PLEKHN1: variants seen among roughly 807,000 people sequenced by gnomAD.
The protein encoded by PLEKHN1 is pleckstrin homology domain-containing family N member 1.
PLEKHN1 carries 68 observed loss-of-function variants against 72.8 expected under a neutral mutation model. That is an observed-to-expected ratio of 0.93 (90% confidence interval 0.77 to 1.14). The LOEUF (loss-of-function observed/expected upper bound fraction) is 1.14. Ranked by LOEUF, PLEKHN1 falls within the 50% of genes most tolerant of loss-of-function variation. The pLI is 0.00. For missense variants in PLEKHN1, 1,015 were observed against 840.5 expected (o/e 1.21, Z -2.57); for synonymous variants, 454 against 371.6 (o/e 1.22, Z -2.55).
At chr1:971,057 C>T (rs1463521140) in intron 6 of PLEKHN1, 51 bp downstream of exon 6, 4 of 1,572,798 alleles carry the variant, frequency 2.5e-6, no homozygotes, top group Admixed American at 3.6e-5. Context: ...TCGCAGCCGG[C>T]TCTGACCTCC....
intron 13 of PLEKHN1, 30 bp downstream of exon 13, chr1:973,670 T>C: frequency 6.2e-7 from 1 of 1,607,054 alleles, no homozygotes; most frequent in Non-Finnish European, 8.5e-7. Flanking sequence ...ACAGAAAGGG[T>C]GGGAGGTGCC....
chr1:973,711 T>C, intron 13 of PLEKHN1, 71 bp downstream of exon 13: 1 of 1,580,992 alleles, frequency 6.3e-7, no homozygotes, highest in Middle Eastern at 1.7e-4. Flanking sequence ...GTCTAGACCG[T>C]GCGTCTCACC....
Position 974,656 on chromosome 1 carries a change from A to C in PLEKHN1, c.*81A>C. The C allele has an allele frequency of 6.7e-7, 1 of 1,490,892 alleles. No individual in the cohort carries two copies. Among genetic ancestry groups the C allele is most frequent in the Non-Finnish European group, 9.0e-7 (1 of 1,114,488 alleles). 92.4% of individuals were successfully genotyped at this position (1,490,892 alleles called of 1,614,324 possible). On this transcript the variant is annotated 3_prime_UTR_variant, in exon 16 of 16. Coordinates refer to ENST00000379410, the MANE Select transcript of PLEKHN1 (RefSeq NM_032129.3). ...CCCCTCTAACCCACTTCAAATTACA[A>C]GTCAGGGTCTGAACCCAGTGTGATG...
In PLEKHN1 at chr1:970,435, G is replaced by T; in HGVS notation, c.330+12G>T. Reference sequence around the variant, plus strand: ...TCCAGCACAGCCAGGTGGGGGCCGGGCTGGGTGGAGCACGCTAAGGGTGCA... The same window carrying T: ...TCCAGCACAGCCAGGTGGGGGCCGGTCTGGGTGGAGCACGCTAAGGGTGCA... On this transcript the variant is annotated intron_variant, in intron 3 of 15. Transcript: ENST00000379410. This position sits in a 1 kb window ranked among gnomAD's most constrained non-coding sequence, Gnocchi z 4.2. 7 of 1,613,242 alleles carry T rather than the reference G, an allele frequency of 4.3e-6. No homozygotes were observed. The highest frequency in any genetic ancestry group is 5.9e-6 in the Non-Finnish European group (7 of 1,179,936).
chr1:970,997 AC>A lies in PLEKHN1; in HGVS notation c.608del (p.Pro203HisfsTer5). ...GGGGGCCGCGGCGCTGCCACTCGGC[AC>A]CCCCACAGGTCAGTGCCGGGGACCC... Reference protein sequence around the residue: ...LGGPRRCHSAPPQRRLTRLRT... With the variant: ...LGGPRRCHSAXPQRRLTRLRT... On this transcript the variant is annotated frameshift_variant, in exon 6 of 16. Transcript: ENST00000379410. LOFTEE classifies it high-confidence loss of function. This position sits in a 1 kb window ranked among gnomAD's most constrained non-coding sequence, Gnocchi z 4.2. The A allele has an allele frequency of 1.2e-6, 2 of 1,603,106 alleles. No homozygotes were observed. Among genetic ancestry groups the A allele is most frequent in the Non-Finnish European group, 1.7e-6 (2 of 1,175,572 alleles).
At chr1:969,780 C>A (rs7555426) in intron 2 of PLEKHN1, among the ~76,000 whole-genome samples, 2 of 149,380 alleles carry the variant, frequency 1.3e-5, no homozygotes, top group East Asian at 3.9e-4. Context: ...TGCATGTGTG[C>A]GTGTATGCAT....
At chr1:974,181 G>GA in intron 14 of PLEKHN1, 130 bp downstream of exon 14, 1 of 1,502,040 alleles carries the variant, frequency 6.7e-7, no homozygotes, top group East Asian at 2.3e-5. Flanking sequence ...GGCCAGGGGG[G>GA]CCAGTAGGGA....
In PLEKHN1 at chr1:970,019, T is replaced by C. The variant is rs1570025735; in HGVS notation, c.184-258T>C. 6.7e-6 allele frequency among the ~76,000 whole-genome samples: 1 copy of C among 148,574 alleles called. No homozygotes were observed. Among genetic ancestry groups the C allele is most frequent in the Non-Finnish European group, 1.5e-5 (1 of 67,016 alleles). On this transcript the variant is annotated intron_variant, in intron 2 of 15. Coordinates refer to ENST00000379410, the MANE Select transcript of PLEKHN1 (RefSeq NM_032129.3). This position sits in a 1 kb window ranked among gnomAD's most constrained non-coding sequence, Gnocchi z 4.2. ...ATGTGTTGTGTGGCTGTGCACAGGT[T>C]CTGTGCCTGTGGGGGGCTGTTCTTC...
Position 971,311 on chromosome 1 carries a change from C to A in PLEKHN1, c.709-13C>A. ...AGTTCCCTCATCGCCTGACCCCACC[C>A]CCACCCACCCAGGAGCAGTGGGACC... On this transcript the variant is annotated splice_polypyrimidine_tract_variant and intron_variant, in intron 7 of 15. Transcript: ENST00000379410. 1 of 1,562,324 alleles carries A rather than the reference C, an allele frequency of 6.4e-7. No homozygotes were observed. The highest frequency in any genetic ancestry group is 8.7e-7 in the Non-Finnish European group (1 of 1,153,026).
chr1:966,917 C>T (rs1027831997), intron 2 of PLEKHN1, 114 bp downstream of exon 2: 1 of 1,184,154 alleles, frequency 8.4e-7, no homozygotes, highest in Admixed American at 2.8e-5. Context: ...CGTTCAGACC[C>T]CGGTAGGTGA....
rs1017227225 is a variant in PLEKHN1, at chr1:972,411, T to A, written c.989T>A (p.Phe330Tyr). The A allele has an allele frequency of 5.7e-6, 9 of 1,578,300 alleles. No individual in the cohort carries two copies. The highest frequency in any genetic ancestry group is 7.7e-6 in the Non-Finnish European group (9 of 1,164,856). The change falls in exon 10 of 16, where the codon TTC (phenylalanine) becomes TAC (tyrosine). Residue 330 changes from phenylalanine to tyrosine, a missense_variant. Coordinates refer to ENST00000379410, the MANE Select transcript of PLEKHN1 (RefSeq NM_032129.3). Reference sequence around the variant, plus strand: ...CCGCCGCTGCCTGGTGCCGAGAGCTTCCCAGGGTCGCAGGTGAGGGGTCAA... The same window carrying A: ...CCGCCGCTGCCTGGTGCCGAGAGCTACCCAGGGTCGCAGGTGAGGGGTCAA... ...GAPPLPGAES[F>Y]PGSQVMGSGR... is the part of the protein sequence containing the mutation.
intron 9 of PLEKHN1, 37 bp from the exon 10 acceptor site, chr1:972,251 A>AC (rs767774822): frequency 2.6e-5 from 40 of 1,547,636 alleles, no homozygotes; most frequent in East Asian, 4.7e-5. Flanking sequence ...TGAGGGGTGC[A>AC]CCCCCCCGCC....
chr1:967,268 C>T (rs1451728125), intron 2 of PLEKHN1, among the ~76,000 whole-genome samples: 2 of 152,188 alleles, frequency 1.3e-5, no homozygotes, highest in Non-Finnish European at 2.9e-5. Context: ...CCTCTGTGCA[C>T]GCGCCGGCCT....
chr1:973,779 G>A, intron 13 of PLEKHN1, 54 bp from the exon 14 acceptor site: 1 of 1,580,050 alleles, frequency 6.3e-7, no homozygotes. Flanking sequence ...GGGAGGTTGA[G>A]GTTCTGGGGG....
rs145470972 is a variant in PLEKHN1, at chr1:973,873, C to T, written c.1475C>T (p.Ser492Leu). The change falls in exon 14 of 16, where the codon TCG becomes TTG. Residue 492 changes from serine (S) to leucine (L), a missense_variant. Coordinates refer to ENST00000379410, the MANE Select transcript of PLEKHN1 (RefSeq NM_032129.3). ...CAGAGTGCACGTGGACCCACGCCCT[C>T]GAGCCCACTCCCCTCGGTGCCTGTG... The part of the protein sequence containing the change: ...AMQSARGPTP[S>L]SPLPSVPVSV... The T allele has an allele frequency of 1.9e-4, 314 of 1,610,792 alleles. No individual in the cohort carries two copies. The highest frequency in any genetic ancestry group is 1.2e-3 in the Middle Eastern group (6 of 4,844).
chr1:972,546 A>G (rs1278809587), intron 10 of PLEKHN1, 122 bp downstream of exon 10: 33 of 1,258,754 alleles, frequency 2.6e-5, no homozygotes, highest in Admixed American at 2.8e-5. Context: ...CGGGCGGATC[A>G]TTTGAGGTCA....
Position 971,155 on chromosome 1 carries a change from G to C in PLEKHN1, c.655G>C (p.Gly219Arg), listed in dbSNP as rs777712614. 22 of 1,599,786 alleles carry C rather than the reference G, an allele frequency of 1.4e-5. No individual in the cohort carries two copies. The highest frequency in any genetic ancestry group is 1.9e-5 in the Non-Finnish European group (22 of 1,174,256). Residue 219 changes from glycine (G) to arginine (R), a missense_variant, in exon 7 of 16, where the codon GGC becomes CGC. Transcript: ENST00000379410. ...GCGGACGGCGTCAGGGCACGAACCC[G>C]GCGGCAGTGCTGTCTGTGCCTCGAG... is the stretch of plus-strand genomic sequence containing the variant. ...RLRTASGHEP[G>R]GSAVCASRVK...
At chr1:974,274 G>C (rs1643502846) in intron 14 of PLEKHN1, 42 bp from the exon 15 acceptor site, 1 of 1,612,656 alleles carries the variant, frequency 6.2e-7, no homozygotes, top group Non-Finnish European at 8.5e-7. Flanking sequence ...CTCCCTGCCT[G>C]GGGCTGTGCC....
At position 970,259 on chromosome 1, in the gene PLEKHN1, G is replaced by T. The variant is rs1557645500; in HGVS notation, c.184-18G>T. On this transcript the variant is annotated intron_variant, in intron 2 of 15. Transcript: ENST00000379410. This position sits in a 1 kb window ranked among gnomAD's most constrained non-coding sequence, Gnocchi z 4.2. Reference sequence around the variant, plus strand: ...GGGCCCAGGGGAGGCCCCCTCCCCTGAGCTCTACTCCTCCTAGGACATCCT... The same window carrying T: ...GGGCCCAGGGGAGGCCCCCTCCCCTTAGCTCTACTCCTCCTAGGACATCCT... The T allele has an allele frequency of 6.2e-7, 1 of 1,611,550 alleles. No homozygotes were observed.
Sources: gnomAD v4.1 joint callset for allele counts (sites outside exome capture counted in the v4.1 genomes callset) on GRCh38, gnomAD v4.1.1 for gene constraint, Gnocchi (gnomAD v3.1) non-coding constraint, MANE v1.5 for transcripts, NCBI Gene and HGNC (gene_info 2026-07-23, HGNC 2026-07-21) for gene names.